Variants in PDE10A observed in about 807,000 individuals in gnomAD.
The protein encoded by PDE10A is cAMP and cAMP-inhibited cGMP 3',5'-cyclic phosphodiesterase 10A.
In PDE10A, 39 loss-of-function variants were observed where a neutral mutation model predicts 97.7. The ratio of observed to expected loss-of-function variants is 0.40; its 90% CI spans 0.31 to 0.52. PDE10A has a LOEUF of 0.52. Ranked by LOEUF, PDE10A falls within the 20% of genes least tolerant of loss-of-function variation. The probability of loss-of-function intolerance (pLI) is 0.56; values close to 1 mark genes in which losing one functional copy is unlikely to be tolerated. For missense variants in PDE10A, 731 were observed against 1,047.8 expected, an observed-to-expected ratio of 0.70 and a Z score of 4.17; for synonymous variants, 371 against 376.8, an observed-to-expected ratio of 0.98 and a Z score of 0.18.
At chr6:165,652,619 C>G (rs1038163125) in intron 1 of PDE10A, among the ~76,000 whole-genome samples, 8 of 152,166 alleles carry the variant, frequency 5.3e-5, no homozygotes, top group African/African-American at 1.9e-4. Context: ...TTTTCCCATT[C>G]TGCACCAGCC....
intron 5 of PDE10A, among the ~76,000 whole-genome samples, chr6:165,438,381 T>C (rs1416216254): frequency 6.6e-6 from 1 of 152,092 alleles, no homozygotes; most frequent in Non-Finnish European, 1.5e-5. Context: ...AGAGATGGGA[T>C]TTCTCCATGT....
chr6:165,778,700 T>C (rs1778262145), intron 1 of PDE10A, among the ~76,000 whole-genome samples: 1 of 152,256 alleles, frequency 6.6e-6, no homozygotes. Context: ...TTCCATTATC[T>C]ATATCCTCAC....
chr6:165,527,545 T>G (rs1782520942), intron 2 of PDE10A, among the ~76,000 whole-genome samples: 1 of 152,186 alleles, frequency 6.6e-6, no homozygotes, highest in Admixed American at 6.5e-5. Flanking sequence ...AGACAGCTAT[T>G]GGCCTGGTAC....
chr6:165,381,829 C>T (rs1784956149), intron 17 of PDE10A, among the ~76,000 whole-genome samples: 1 of 151,844 alleles, frequency 6.6e-6, no homozygotes. Context: ...GCTATCCAAA[C>T]TAAAGAAAAT....
rs528348352 is a variant in PDE10A, at chr6:165,330,359, C to T, written c.*2666G>A. The T allele has an allele frequency of 3.3e-5, 5 of 152,092 alleles. No individual in the cohort carries two copies. The highest frequency in any genetic ancestry group is 1.2e-4 in the African/African-American group (5 of 41,410). The allele number at this position is 152,092 out of a possible 1,614,324, so 9.4% of individuals were successfully genotyped here. On this transcript the variant is annotated 3_prime_UTR_variant, in exon 22 of 22. Transcript: ENST00000539869. ...TGGGAACAAGACAAGAAACATGACC[C>T]GAAAGTCTGTCTCCTAAACATCTGA...
Position 165,563,373 on chromosome 6 carries a change from C to T in PDE10A, c.866-19805G>A, listed in dbSNP as rs148150753. Among the ~76,000 whole-genome samples, 41 of 152,220 alleles carry T rather than the reference C, an allele frequency of 2.7e-4. 1 individual carries two copies. In the Middle Eastern group the frequency reaches 0.02, roughly 76 times the overall value. ...AATTTGCTTCTAATTCCCAATTATA[C>T]GGAAACCACAGGCACAAGAAAGTAT... On this transcript the variant is annotated intron_variant, in intron 1 of 21. Coordinates refer to ENST00000539869, the MANE Select transcript of PDE10A (RefSeq NM_001385079.1).
intron 1 of PDE10A, among the ~76,000 whole-genome samples, chr6:165,753,586 A>G (rs377022020): frequency 6.6e-6 from 1 of 152,252 alleles, no homozygotes; most frequent in East Asian, 1.9e-4. Context: ...AAAAATAGAC[A>G]TCATTTTAAT....
At chr6:165,527,854 T>C (rs896503559) in intron 2 of PDE10A, among the ~76,000 whole-genome samples, 1 of 152,166 alleles carries the variant, frequency 6.6e-6, no homozygotes, top group Non-Finnish European at 1.5e-5. Context: ...GAGTTCCCTA[T>C]GATCAGTTGA....
At chr6:165,865,497 TA>T (rs1343462400) in intron 1 of PDE10A, among the ~76,000 whole-genome samples, 3 of 151,750 alleles carry the variant, frequency 2.0e-5, no homozygotes, top group Non-Finnish European at 2.9e-5. Context: ...ATTATGATAT[TA>T]AAAAAACTTA....
chr6:165,475,316 T>C (rs1335588519), intron 3 of PDE10A, among the ~76,000 whole-genome samples: 2 of 152,176 alleles, frequency 1.3e-5, no homozygotes, highest in African/African-American at 4.8e-5. Flanking sequence ...AACAGAAATT[T>C]TATAAATATG....
In PDE10A at chr6:165,629,304, G is replaced by C. The variant is rs146982328; in HGVS notation, c.865+32643C>G. ...GACAGAATTAGAATTCCAGAAAATA[G>C]TGTACCAATCCAAGGTATGACTTCA... On this transcript the variant is annotated intron_variant, in intron 1 of 21. Transcript: ENST00000539869. 2.0e-5 allele frequency among the ~76,000 whole-genome samples: 3 copies of C among 152,234 alleles called. No individual in the cohort carries two copies. In the East Asian group the frequency reaches 5.8e-4, roughly 29 times the overall value.
chr6:165,543,715 T>C, intron 1 of PDE10A, 147 bp from the exon 2 acceptor site: 2 of 564,644 alleles, frequency 3.5e-6, no homozygotes. Context: ...GGGAAGCTAC[T>C]GCTTAGTGGG....
rs574526267 is a variant in PDE10A at position 165,358,513 on chromosome 6, T to TG, written c.2784-15012_2784-15011insC. 1.3e-3 allele frequency among the ~76,000 whole-genome samples: 190 copies of TG among 149,024 alleles called. 3 individuals carry two copies. The South Asian group carries it at 0.039, about 30-fold the overall frequency. ...ACAATTTTAATATAGGTACACCAGT[T>TG]TTTTTTTTTTAATGCTGTTGCCATG... On this transcript the variant is annotated intron_variant, in intron 18 of 21. Transcript: ENST00000539869.
At chr6:165,623,604 T>C (rs1481007587) in intron 1 of PDE10A, among the ~76,000 whole-genome samples, 1 of 152,202 alleles carries the variant, frequency 6.6e-6, no homozygotes. Flanking sequence ...TATTCCTATA[T>C]TTTAAACTTA....
In PDE10A at chr6:165,655,652, G is replaced by A. The variant is rs752005103; in HGVS notation, c.865+6295C>T. 2.0e-5 allele frequency among the ~76,000 whole-genome samples: 3 copies of A among 152,020 alleles called. No homozygotes were observed. The highest frequency in any genetic ancestry group is 4.8e-5 in the African/African-American group (2 of 41,378). ...GCATCCATGGACTCCCTGTATCCAC[G>A]ACATCTCCCTTCATTCATTCACCAA... On this transcript the variant is annotated intron_variant, in intron 1 of 21. Transcript: ENST00000539869. This position sits in a 1 kb window ranked among gnomAD's most constrained non-coding sequence, Gnocchi z 4.5.
chr6:165,542,909 C>T (rs1235706188), intron 2 of PDE10A, among the ~76,000 whole-genome samples: 1 of 152,066 alleles, frequency 6.6e-6, no homozygotes, highest in East Asian at 1.9e-4. Context: ...TGAGCCACTG[C>T]GCCCAGCCAA....
intron 5 of PDE10A, among the ~76,000 whole-genome samples, chr6:165,442,292 G>C (rs376368581): frequency 8.6e-5 from 13 of 150,852 alleles, no homozygotes; most frequent in South Asian, 4.2e-4. Context: ...ATCCCTCCCC[G>C]CTCCCCCCAC....
rs1326525253 is a variant in PDE10A, at chr6:165,901,891, A to G, written c.-615+85638T>C. On this transcript the variant is annotated intron_variant, in intron 1 of 19. Coordinates refer to the PDE10A transcript ENST00000366882. ...GACTAAGCCCAGCCCGTCACATAAA[A>G]TTATCCAACAGACATTAGCTGATCT... 3.9e-5 allele frequency among the ~76,000 whole-genome samples: 6 copies of G among 152,220 alleles called. No homozygotes were observed. In the East Asian group the frequency reaches 9.6e-4, roughly 24 times the overall value.
chr6:165,875,827 T>C (rs1781328779), intron 1 of PDE10A, among the ~76,000 whole-genome samples: 1 of 151,864 alleles, frequency 6.6e-6, no homozygotes, highest in Non-Finnish European at 1.5e-5. Context: ...CTTCTTCCTC[T>C]ATTGGTTTTT....
Sources: gnomAD v4.1 joint callset for allele counts (sites outside exome capture counted in the v4.1 genomes callset) on GRCh38, gnomAD v4.1.1 for gene constraint, Gnocchi (gnomAD v3.1) non-coding constraint, MANE v1.5 for transcripts, NCBI Gene and HGNC (gene_info 2026-07-23, HGNC 2026-07-21) for gene names.